The following MTERF3 variants were observed in gnomAD, a reference collection of about 807,000 sequenced individuals.
MTERF3 encodes the protein mitochondrial transcription termination factor 3, also known as transcription termination factor 3, mitochondrial.
In MTERF3, 40 loss-of-function variants were observed where a neutral mutation model predicts 40.5. The ratio of observed to expected loss-of-function variants is 0.99; its 90% CI spans 0.77 to 1.29. MTERF3 has a LOEUF of 1.29. Among genes scored for constraint, MTERF3 ranks in the 50% most tolerant of loss-of-function variants. The pLI, the probability that MTERF3 is intolerant of heterozygous loss-of-function variation, is 0.00. For synonymous variants in MTERF3, 158 were observed against 166.6 expected, an observed-to-expected ratio of 0.95 and a Z score of 0.40; for missense variants, 452 against 478.2, an observed-to-expected ratio of 0.95 and a Z score of 0.51.
chr8:96,251,525 A>T (rs953616077), intron 3 of MTERF3, among the ~76,000 whole-genome samples: 23 of 152,212 alleles, frequency 1.5e-4, no homozygotes, highest in Non-Finnish European at 1.6e-4. Context: ...AGCATTATTT[A>T]AAAAATATGT....
intron 6 of MTERF3, 21 bp downstream of exon 6, chr8:96,245,839 A>G: frequency 2.5e-6 from 4 of 1,607,842 alleles, no homozygotes; most frequent in Non-Finnish European, 3.4e-6. Context: ...TGATTTCTCA[A>G]AAAGCCTAAA....
At chr8:96,243,566 G>C (rs765865216) in intron 7 of MTERF3, among the ~76,000 whole-genome samples, 2 of 152,162 alleles carry the variant, frequency 1.3e-5, no homozygotes, top group Non-Finnish European at 2.9e-5. Flanking sequence ...TTGGGATGGG[G>C]ATCATTACAA....
intron 5 of MTERF3, 72 bp from the exon 6 acceptor site, chr8:96,246,003 T>A: frequency 7.3e-7 from 1 of 1,365,234 alleles, no homozygotes; most frequent in Non-Finnish European, 1.0e-6. Context: ...ATTAAGGCAT[T>A]ATTAAGATAC....
chr8:96,259,007 A>C (rs1810333024), intron 1 of MTERF3, among the ~76,000 whole-genome samples: 1 of 152,234 alleles, frequency 6.6e-6, no homozygotes, highest in Admixed American at 6.5e-5. Context: ...AAAAATCTGC[A>C]AATGTTCAAG....
intron 1 of MTERF3, among the ~76,000 whole-genome samples, chr8:96,259,660 T>A (rs1232748701): frequency 6.6e-6 from 1 of 152,178 alleles, no homozygotes; most frequent in Admixed American, 6.5e-5. Flanking sequence ...AAATGCTCAA[T>A]AAATGTTAGC....
intron 2 of MTERF3, 50 bp from the exon 3 acceptor site, chr8:96,257,164 A>G (rs770586481): frequency 8.5e-6 from 13 of 1,528,536 alleles, no homozygotes; most frequent in Non-Finnish European, 1.1e-5. Context: ...ACTTAAAACT[A>G]TTTCTGCAAA....
At chr8:96,248,542 A>G (rs1214314210) in intron 4 of MTERF3, among the ~76,000 whole-genome samples, 1 of 152,242 alleles carries the variant, frequency 6.6e-6, no homozygotes, top group Non-Finnish European at 1.5e-5. Context: ...AAAAATCCTG[A>G]TAACAGTAGC....
rs371543521 is a variant in MTERF3 at position 96,248,078 on chromosome 8, C to T, written c.678-1624G>A. ...AAAGCAAAGTGTGATAGCACTGTAT[C>T]TGTAAGGATAACAGGGAAGCTGGCA... On this transcript the variant is annotated intron_variant, in intron 4 of 7. Coordinates refer to ENST00000287025, the MANE Select transcript of MTERF3 (RefSeq NM_015942.5). Among the ~76,000 whole-genome samples, 5 of 152,346 alleles carry T rather than the reference C, an allele frequency of 3.3e-5. No homozygotes were observed. The East Asian group carries it at 9.6e-4, about 29-fold the overall frequency.
In MTERF3 at chr8:96,243,992, T is replaced by C; in HGVS notation, c.986A>G (p.Lys329Arg). ...CACAAAATCAAACGTCTCGGTAAGT[T>C]TCATTTTATTTGCAGTTAACATCTT... ...IPKMLTANKMKLTETFDFVHN... is the reference protein window; with the variant it reads ...IPKMLTANKMRLTETFDFVHN... Residue 329 changes from lysine to arginine, a missense_variant, in exon 7 of 8, where the codon AAA becomes AGA. Transcript: ENST00000287025. The C allele has an allele frequency of 6.2e-7, 1 of 1,614,126 alleles. No homozygotes were observed. The highest frequency in any genetic ancestry group is 1.3e-5 in the African/African-American group (1 of 75,046).
chr8:96,250,676 AGAAGAAGGAGGAGGAGGAGG>A (rs1810155456), intron 4 of MTERF3, among the ~76,000 whole-genome samples: 4 of 38,800 alleles, frequency 1.0e-4, no homozygotes, highest in African/African-American at 5.3e-4. Flanking sequence ...AAGAAGAAGA[AGAAGAAGGAGGAGGAGGAGG>A]GGGGGAGGGG....
At chr8:96,246,711 T>C (rs1810028516) in intron 4 of MTERF3, among the ~76,000 whole-genome samples, 1 of 152,224 alleles carries the variant, frequency 6.6e-6, no homozygotes, top group African/African-American at 2.4e-5. Context: ...TAGGTATTAG[T>C]TGCGGTTTTT....
At chr8:96,250,371 A>G (rs1184292927) in intron 4 of MTERF3, among the ~76,000 whole-genome samples, 1 of 150,082 alleles carries the variant, frequency 6.7e-6, no homozygotes, top group African/African-American at 2.4e-5. Context: ...CAGTTTCTAA[A>G]GAGAAAGAGT....
At chr8:96,242,149 C>T (rs1488922968) in intron 7 of MTERF3, among the ~76,000 whole-genome samples, 4 of 152,210 alleles carry the variant, frequency 2.6e-5, no homozygotes, top group Non-Finnish European at 4.4e-5. Flanking sequence ...AGCCCATTCA[C>T]AGCCTTACTG....
At chr8:96,243,791 T>C in intron 7 of MTERF3, 128 bp downstream of exon 7, 1 of 996,270 alleles carries the variant, frequency 1.0e-6, no homozygotes, top group Non-Finnish European at 1.5e-6. Flanking sequence ...TGATTTCTCC[T>C]CAGGAGATGG....
At chr8:96,260,776 A>C (rs1161525176) in intron 1 of MTERF3, among the ~76,000 whole-genome samples, 1 of 152,230 alleles carries the variant, frequency 6.6e-6, no homozygotes, top group Non-Finnish European at 1.5e-5. Context: ...ACACATCTTA[A>C]CAATTGATTA....
In MTERF3 at chr8:96,261,536, C is replaced by T; in HGVS notation, c.-46G>A. On this transcript the variant is annotated 5_prime_UTR_variant, in exon 1 of 8. Transcript: ENST00000287025. ...GCCTGCTTCCCGTAGCGGGTGACCCCGGGACCGACCAACTCGCTGGGCCGC... is the reference window on the plus strand; with the variant it reads ...GCCTGCTTCCCGTAGCGGGTGACCCTGGGACCGACCAACTCGCTGGGCCGC... 6.5e-6 allele frequency: 1 copy of T among 154,538 alleles called. No homozygotes were observed. The highest frequency in any genetic ancestry group is 2.4e-5 in the African/African-American group (1 of 41,602). 9.6% of individuals were successfully genotyped at this position (154,538 alleles called of 1,614,324 possible).
intron 6 of MTERF3, among the ~76,000 whole-genome samples, chr8:96,244,434 T>C (rs1586163837): frequency 6.6e-6 from 1 of 150,580 alleles, no homozygotes; most frequent in South Asian, 2.1e-4. Context: ...GGAGTCTCGC[T>C]TTGTCATCCA....
intron 4 of MTERF3, among the ~76,000 whole-genome samples, chr8:96,248,575 A>T (rs1326671852): frequency 6.6e-6 from 1 of 152,106 alleles, no homozygotes; most frequent in African/African-American, 2.4e-5. Flanking sequence ...TGGGTCTTGA[A>T]AGGCCAAGGG....
chr8:96,246,009 G>T, intron 5 of MTERF3, 78 bp from the exon 6 acceptor site: 1 of 1,327,980 alleles, frequency 7.5e-7, no homozygotes, highest in Non-Finnish European at 1.1e-6. Flanking sequence ...GCATTATTAA[G>T]ATACAAAGTT....
Sources: gnomAD v4.1 joint callset for allele counts (sites outside exome capture counted in the v4.1 genomes callset) on GRCh38, gnomAD v4.1.1 for gene constraint, MANE v1.5 for transcripts, NCBI Gene and HGNC (gene_info 2026-07-23, HGNC 2026-07-21) for gene names.